TTC28: variants seen among roughly 807,000 people sequenced by gnomAD.
TTC28 encodes tetratricopeptide repeat domain 28.
A neutral mutation model predicts 198.0 loss-of-function variants in TTC28; 61 were observed. The ratio of observed to expected loss-of-function variants is 0.31; its 90% confidence interval spans 0.25 to 0.38. The LOEUF (loss-of-function observed/expected upper bound fraction) is 0.38. TTC28 is among the 10% of genes least tolerant of loss of function. The pLI is 1.00. For missense variants in TTC28, 2,678 were observed against 3,164.0 expected (o/e 0.85, Z 3.69); for synonymous variants, 1,171 against 1,297.8 (o/e 0.90, Z 2.10).
At chr22:28,311,493 A>C (rs2045255895) in intron 2 of TTC28, among the ~76,000 whole-genome samples, 1 of 152,134 alleles carries the variant, frequency 6.6e-6, no homozygotes, top group Non-Finnish European at 1.5e-5. Context: ...TAAAAGAAAA[A>C]CTGATTTTTG....
chr22:28,406,802 C>T (rs1163950116), intron 2 of TTC28, among the ~76,000 whole-genome samples: 1 of 152,180 alleles, frequency 6.6e-6, no homozygotes, highest in African/African-American at 2.4e-5. Flanking sequence ...AATCAGGACT[C>T]ATATGGAGTT....
chr22:28,334,257 G>A (rs1248314904), intron 2 of TTC28, among the ~76,000 whole-genome samples: 2 of 151,886 alleles, frequency 1.3e-5, no homozygotes, highest in Non-Finnish European at 2.9e-5. Context: ...ATCATTGATG[G>A]ACATTTGGGT....
intron 5 of TTC28, among the ~76,000 whole-genome samples, chr22:28,249,613 G>A (rs1381485221): frequency 6.6e-6 from 1 of 152,130 alleles, no homozygotes; most frequent in South Asian, 2.1e-4. Context: ...CCAAGGACAA[G>A]GGCAAAAGGT....
intron 2 of TTC28, among the ~76,000 whole-genome samples, chr22:28,426,097 A>C (rs1015944482): frequency 2.0e-5 from 3 of 151,930 alleles, no homozygotes; most frequent in African/African-American, 7.3e-5. Flanking sequence ...CTGTAGTCCC[A>C]GCTACTCAGG....
At chr22:28,219,043 C>A (rs1371959980) in intron 5 of TTC28, among the ~76,000 whole-genome samples, 1 of 151,782 alleles carries the variant, frequency 6.6e-6, no homozygotes, top group Non-Finnish European at 1.5e-5. Flanking sequence ...ATCTCAGGAA[C>A]CCCAAGGAAT....
chr22:28,048,154 C>T (rs1939940637), intron 12 of TTC28, among the ~76,000 whole-genome samples: 1 of 151,688 alleles, frequency 6.6e-6, no homozygotes, highest in Admixed American at 6.6e-5. Flanking sequence ...TTCCTGGCCT[C>T]TGAGAAGTGA....
At chr22:28,598,957 T>C (rs747968459) in intron 2 of TTC28, among the ~76,000 whole-genome samples, 12 of 152,174 alleles carry the variant, frequency 7.9e-5, no homozygotes, top group Non-Finnish European at 1.6e-4. Context: ...GTGAAATGCT[T>C]GTTCAAAGAA....
intron 2 of TTC28, among the ~76,000 whole-genome samples, chr22:28,309,157 A>G (rs1008133653): frequency 1.3e-5 from 2 of 152,212 alleles, no homozygotes; most frequent in African/African-American, 2.4e-5. Flanking sequence ...GAAATTAGCT[A>G]TTTTTGTTAT....
chr22:28,591,080 TATATAG>T (rs1274762693), intron 2 of TTC28, among the ~76,000 whole-genome samples: 3 of 118,050 alleles, frequency 2.5e-5, no homozygotes, highest in African/African-American at 3.2e-5. Flanking sequence ...TATATATATA[TATATAG>T]GAATTGTGAC....
chr22:28,315,499 T>G (rs1200703419), intron 2 of TTC28, among the ~76,000 whole-genome samples: 1 of 152,196 alleles, frequency 6.6e-6, no homozygotes, highest in East Asian at 1.9e-4. Context: ...CTTCTAAAAT[T>G]CTTATAGTTT....
At chr22:28,034,487 T>A (rs554385384) in intron 12 of TTC28, among the ~76,000 whole-genome samples, 7 of 152,298 alleles carry the variant, frequency 4.6e-5, no homozygotes, top group African/African-American at 1.7e-4. Flanking sequence ...ACCTGAAGAT[T>A]CTGGCTCAGA....
intron 2 of TTC28, among the ~76,000 whole-genome samples, chr22:28,429,310 T>C (rs2047399549): frequency 6.6e-6 from 1 of 152,098 alleles, no homozygotes; most frequent in African/African-American, 2.4e-5. Flanking sequence ...CGCTGAAAAA[T>C]GATGGCCAAA....
At chr22:28,470,971 A>G (rs2048089697) in intron 2 of TTC28, among the ~76,000 whole-genome samples, 1 of 152,212 alleles carries the variant, frequency 6.6e-6, no homozygotes, top group African/African-American at 2.4e-5. Context: ...GAGAAGCCAA[A>G]ATATGCTTCA....
chr22:28,546,996 A>G (rs1441250198), intron 2 of TTC28, among the ~76,000 whole-genome samples: 3 of 152,204 alleles, frequency 2.0e-5, no homozygotes, highest in Admixed American at 6.5e-5. Flanking sequence ...GTGACTAGAA[A>G]AGGGCAAAGG....
chr22:28,349,982 G>A (rs1234895674), intron 2 of TTC28, among the ~76,000 whole-genome samples: 1 of 152,180 alleles, frequency 6.6e-6, no homozygotes, highest in East Asian at 1.9e-4. Flanking sequence ...CAAAACTCAT[G>A]TACAAAACTC....
chr22:28,253,107 G>C (rs964724639), intron 5 of TTC28, among the ~76,000 whole-genome samples: 1 of 152,116 alleles, frequency 6.6e-6, no homozygotes, highest in African/African-American at 2.4e-5. Flanking sequence ...AGTATATATT[G>C]ACTACATATT....
chr22:28,415,563 G>C (rs1270369110), intron 2 of TTC28, among the ~76,000 whole-genome samples: 1 of 152,204 alleles, frequency 6.6e-6, no homozygotes, highest in African/African-American at 2.4e-5. Flanking sequence ...TGTACTGCTT[G>C]ACACTTTCCC....
Position 28,490,488 on chromosome 22 carries a change from C to T in TTC28, c.381+139064G>A, listed in dbSNP as rs559747379. Among the ~76,000 whole-genome samples the T allele has an allele frequency of 2.6e-5, 4 of 152,162 alleles. No individual in the cohort carries two copies. The South Asian group carries it at 6.2e-4, about 24-fold the overall frequency. ...GATCAGAACAAGTCATATGACTACT[C>T]GTAACTTCAAGGGAGTAGAGAAGTA... On this transcript the variant is annotated intron_variant, in intron 2 of 22. Transcript: ENST00000397906.
At chr22:28,615,402 G>A (rs574843612) in intron 2 of TTC28, among the ~76,000 whole-genome samples, 2 of 152,182 alleles carry the variant, frequency 1.3e-5, no homozygotes, top group African/African-American at 4.8e-5. Context: ...AATTTCTCAA[G>A]TATCTAGAAC....
Sources: allele counts gnomAD v4.1 joint callset (sites outside exome capture counted in the v4.1 genomes callset), GRCh38; gene constraint gnomAD v4.1.1; transcripts MANE v1.5; gene names NCBI Gene and HGNC (gene_info 2026-07-23, HGNC 2026-07-21).